PSME4: variants seen among roughly 807,000 people sequenced by gnomAD.
PSME4 encodes the protein proteasome activator complex subunit 4.
A neutral mutation model predicts 253.9 loss-of-function variants in PSME4; 89 were observed. The observed-to-expected ratio is 0.35, with a 90% CI of 0.30 to 0.42. PSME4 has a LOEUF of 0.42. Among genes scored for constraint, PSME4 ranks in the 10% least tolerant of loss-of-function variants. The pLI is 1.00. For missense variants in PSME4, 2,014 were observed against 2,195.2 expected, an observed-to-expected ratio of 0.92 and a Z score of 1.65; for synonymous variants, 851 against 759.2, an observed-to-expected ratio of 1.12 and a Z score of -1.99.
At chr2:53,935,448 C>T (rs1669058125) in intron 7 of PSME4, among the ~76,000 whole-genome samples, 1 of 152,160 alleles carries the variant, frequency 6.6e-6, no homozygotes, top group Non-Finnish European at 1.5e-5. Flanking sequence ...GGATATCCCC[C>T]ACAAGCCCTA....
At chr2:53,911,746 A>T (rs1667836719) in intron 20 of PSME4, among the ~76,000 whole-genome samples, 1 of 152,196 alleles carries the variant, frequency 6.6e-6, no homozygotes, top group African/African-American at 2.4e-5. Flanking sequence ...ATAATATTAA[A>T]TCAAGCATGA....
chr2:53,970,554 C>T lies in PSME4; in HGVS notation c.231G>A (p.Arg77=), dbSNP rs1233148718. 1.9e-6 allele frequency: 3 copies of T among 1,548,432 alleles called. No individual in the cohort carries two copies. The highest frequency in any genetic ancestry group is 2.4e-5 in the South Asian group (2 of 83,966). The part of the protein sequence containing the change: ...ELWPGGLFWT[R]KLSTYIRLYG... ...CCGGGCACACTTACGTGGAGAGTTTCCTGGTCCAGAAGAGGCCCCCGGGCC... is the reference window on the plus strand; with the variant it reads ...CCGGGCACACTTACGTGGAGAGTTTTCTGGTCCAGAAGAGGCCCCCGGGCC... The change falls in exon 1 of 47, where the codon AGG becomes AGA. Residue 77 remains arginine (R), a synonymous_variant. Coordinates refer to ENST00000404125, the MANE Select transcript of PSME4 (RefSeq NM_014614.3).
intron 45 of PSME4, 118 bp from the exon 46 acceptor site, chr2:53,866,341 T>G (rs1357554884): frequency 8.9e-7 from 1 of 1,117,432 alleles, no homozygotes; most frequent in African/African-American, 1.6e-5. Context: ...AATACCAAGT[T>G]CTACAAAACC....
chr2:53,888,857 T>C (rs751193903), intron 37 of PSME4, 45 bp from the exon 38 acceptor site: 3 of 1,393,696 alleles, frequency 2.2e-6, no homozygotes, highest in South Asian at 2.4e-5. Flanking sequence ...GAACCTACAA[T>C]TCTGTAAACA....
intron 32 of PSME4, 51 bp downstream of exon 32, chr2:53,896,753 T>C: frequency 7.0e-7 from 1 of 1,423,556 alleles, no homozygotes; most frequent in Non-Finnish European, 9.9e-7. Context: ...GTCAAGAAAA[T>C]TTTCTGAGTT....
intron 46 of PSME4, 102 bp downstream of exon 46, chr2:53,865,979 TTATC>T: frequency 8.3e-7 from 1 of 1,206,092 alleles, no homozygotes; most frequent in Non-Finnish European, 1.1e-6. Context: ...CCATCCAACT[TTATC>T]TAAACACTGA....
Position 53,876,716 on chromosome 2 carries a change from CT to C in PSME4, c.4816-962del, listed in dbSNP as rs10599430. 1.7e-3 allele frequency among the ~76,000 whole-genome samples: 169 copies of C among 97,828 alleles called. 1 individual carries two copies. The highest frequency in any genetic ancestry group is 1.8e-3 in the Non-Finnish European group (94 of 51,664). 64.2% of individuals were successfully genotyped at this position (97,828 alleles called of 152,430 possible). ...TCTGATGGCTGTAGCCACTGTCATT[CT>C]TTTTTTTTTTTTTTTTTTTGAGACA... On this transcript the variant is annotated intron_variant, in intron 41 of 46. Coordinates refer to ENST00000404125, the MANE Select transcript of PSME4 (RefSeq NM_014614.3).
intron 28 of PSME4, among the ~76,000 whole-genome samples, chr2:53,900,334 G>T (rs1396349847): frequency 1.3e-5 from 2 of 151,802 alleles, no homozygotes; most frequent in Non-Finnish European, 2.9e-5. Context: ...CAAGGTGAGG[G>T]GACTGCTTGA....
At chr2:53,933,403 A>AAAAAAAAAAAC (rs1558697904) in intron 8 of PSME4, among the ~76,000 whole-genome samples, 1 of 139,064 alleles carries the variant, frequency 7.2e-6, no homozygotes, top group Non-Finnish European at 1.6e-5. Flanking sequence ...AAAAAAAAAA[A>AAAAAAAAAAAC]GCGTTTCCCT....
Position 53,948,475 on chromosome 2 carries a change from A to G in PSME4, c.446T>C (p.Val149Ala). The change falls in exon 3 of 47, where the codon GTA (valine) becomes GCA (alanine). Residue 149 changes from valine to alanine, a missense_variant. This residue lies in a region of PSME4 where 615 missense variants were observed against 594.4 expected (regional missense o/e 1.03). Coordinates refer to ENST00000404125, the MANE Select transcript of PSME4 (RefSeq NM_014614.3). ...ELPWRPLYDM[V>A]ERILYSKTEH... ...TGTCTTGGAATATAATATTCTTTCT[A>G]CCATGTCATAAAGTGGTCTCCAGGG... The G allele has an allele frequency of 6.2e-7, 1 of 1,613,792 alleles. No homozygotes were observed. The highest frequency in any genetic ancestry group is 8.5e-7 in the Non-Finnish European group (1 of 1,179,772).
At position 53,919,234 on chromosome 2, in the gene PSME4, T is replaced by C. The variant is rs201655480; in HGVS notation, c.2433A>G (p.Leu811=). Residue 811 remains leucine, a synonymous_variant, in exon 20 of 47, where the codon CTA becomes CTG. Transcript: ENST00000404125. ...AGTTGTGCACTATAGTCAGACTCTGTAGAATATCATCTCTAGAAAAAAAAA... is the reference window on the plus strand; with the variant it reads ...AGTTGTGCACTATAGTCAGACTCTGCAGAATATCATCTCTAGAAAAAAAAA... ...GKLEMSRDDI[L]QSLTIVHNCL... 2.5e-5 allele frequency: 40 copies of C among 1,583,788 alleles called. No individual in the cohort carries two copies. In the East Asian group the frequency reaches 4.1e-4, roughly 16 times the overall value.
chr2:53,940,865 T>A (rs1047627856), intron 3 of PSME4, among the ~76,000 whole-genome samples: 1 of 136,108 alleles, frequency 7.3e-6, no homozygotes, highest in Admixed American at 8.1e-5. Context: ...ATATATATAA[T>A]ATATATTTAA....
At chr2:53,928,377 A>C in intron 10 of PSME4, 74 bp from the exon 11 acceptor site, 7 of 1,187,848 alleles carry the variant, frequency 5.9e-6, no homozygotes, top group Non-Finnish European at 5.8e-6. Flanking sequence ...TAAATATAAT[A>C]AATTCATAAA....
chr2:53,911,664 T>C (rs2104443971), intron 20 of PSME4, among the ~76,000 whole-genome samples: 1 of 151,948 alleles, frequency 6.6e-6, no homozygotes, highest in Admixed American at 6.6e-5. Flanking sequence ...TCCCCACTGC[T>C]GCCATAAACA....
intron 24 of PSME4, chr2:53,908,084 C>A: frequency 4.4e-6 from 2 of 456,612 alleles, no homozygotes; most frequent in South Asian, 3.4e-5. Flanking sequence ...TCCAAATTCC[C>A]ATTGAGAGTT....
At chr2:53,948,717 G>C (rs1669837734) in intron 2 of PSME4, among the ~76,000 whole-genome samples, 180 bp from the exon 3 acceptor site, 1 of 152,090 alleles carries the variant, frequency 6.6e-6, no homozygotes, top group South Asian at 2.1e-4. Context: ...CCCAATTCTT[G>C]CTGCTGCTCA....
intron 16 of PSME4, 117 bp from the exon 17 acceptor site, chr2:53,922,701 CTTT>C (rs1668381456): frequency 8.2e-7 from 1 of 1,221,510 alleles, no homozygotes; most frequent in East Asian, 2.7e-5. Flanking sequence ...TTTAGGAAGA[CTTT>C]TTATTTCTTC....
rs1158775874 is a variant in PSME4, at chr2:53,920,801, T to C, written c.2262+88A>G. 4 of 1,105,992 alleles carry C rather than the reference T, an allele frequency of 3.6e-6. No homozygotes were observed. In the African/African-American group the frequency reaches 4.8e-5, roughly 13 times the overall value. 68.5% of individuals were successfully genotyped at this position (1,105,992 alleles called of 1,614,324 possible). On this transcript the variant is annotated intron_variant, in intron 18 of 46. Coordinates refer to ENST00000404125, the MANE Select transcript of PSME4 (RefSeq NM_014614.3). Reference sequence around the variant, plus strand: ...ATAATCTATCTTAAAAGTAAAAAACTAACATATGCAAGAAAAAATAACACT... The same window carrying C: ...ATAATCTATCTTAAAAGTAAAAAACCAACATATGCAAGAAAAAATAACACT...
chr2:53,941,778 A>T (rs1191954299), intron 3 of PSME4, among the ~76,000 whole-genome samples: 1 of 152,152 alleles, frequency 6.6e-6, no homozygotes, highest in Non-Finnish European at 1.5e-5. Flanking sequence ...CATAAGATAC[A>T]TAATTCTATC....
Sources: allele counts gnomAD v4.1 joint callset (sites outside exome capture counted in the v4.1 genomes callset), GRCh38; gene constraint gnomAD v4.1.1; regional missense constraint gnomAD v4.1.1; transcripts MANE v1.5; gene names NCBI Gene and HGNC (gene_info 2026-07-23, HGNC 2026-07-21).